The following NCOR2 variants were observed in gnomAD, a reference collection of about 807,000 sequenced individuals.
NCOR2 encodes CTG repeat protein 26.
In NCOR2, 81 loss-of-function variants were observed where a neutral mutation model predicts 262.9. That is an observed-to-expected ratio of 0.31 (90% CI 0.26 to 0.37). The LOEUF (loss-of-function observed/expected upper bound fraction) is 0.37, where lower values mean the gene tolerates loss of function less well. Among genes scored for constraint, NCOR2 ranks in the 10% least tolerant of loss-of-function variants. The pLI is 1.00. For missense variants in NCOR2, 3,385 were observed against 3,621.4 expected, an observed-to-expected ratio of 0.93 and a Z score of 1.68; for synonymous variants, 1,659 against 1,559.3, an observed-to-expected ratio of 1.06 and a Z score of -1.51.
At chr12:124,390,128 G>C (rs1241215337) in intron 16 of NCOR2, among the ~76,000 whole-genome samples, 1 of 152,198 alleles carries the variant, frequency 6.6e-6, no homozygotes, top group Non-Finnish European at 1.5e-5. Flanking sequence ...CAGGGATCTG[G>C]GCCTCTCCAC....
rs1162217093 is a variant in NCOR2, at chr12:124,517,135, G to C, written c.-118+18430C>G. ...CACTGTGCCCCATTTTACAGACGAG[G>C]AAACTGAGGTCTGCAAAGGGGAGGC... On this transcript the variant is annotated intron_variant, in intron 1 of 46. Transcript: ENST00000404621. The surrounding 1 kb of genome is among the most constrained non-coding windows in gnomAD (Gnocchi z 7.6). Among the ~76,000 whole-genome samples, 1 of 151,838 alleles carries C rather than the reference G, an allele frequency of 6.6e-6. No individual in the cohort carries two copies. Among genetic ancestry groups the C allele is most frequent in the Non-Finnish European group, 1.5e-5 (1 of 67,938 alleles).
rs58967881 is a variant in NCOR2 at position 124,325,377 on chromosome 12, G to GCCCCCCCCCCCCC, written c.*24_*25insGGGGGGGGGGGGG. On this transcript the variant is annotated 3_prime_UTR_variant, in exon 47 of 47. Coordinates refer to ENST00000405201, the Ensembl canonical transcript of NCOR2. Reference sequence around the variant, plus strand: ...CTGTGGCTCGCTGGGACCTGACACCGCCCCCCCCCCCGCCCTGTTCTGAGT... The same window carrying GCCCCCCCCCCCCC: ...CTGTGGCTCGCTGGGACCTGACACCGCCCCCCCCCCCCCCCCCCCCCCCCGCCCTGTTCTGAGT... The GCCCCCCCCCCCCC allele has an allele frequency of 2.9e-4, 74 of 251,088 alleles. 7 individuals carry two copies. Among genetic ancestry groups the GCCCCCCCCCCCCC allele is most frequent in the Middle Eastern group, 1.8e-3 (1 of 556 alleles). The allele number at this position is 251,088 out of a possible 1,614,324, so 15.6% of individuals were successfully genotyped here.
At chr12:124,547,424 A>G (rs1271201401) in intron 1 of NCOR2, among the ~76,000 whole-genome samples, 1 of 152,232 alleles carries the variant, frequency 6.6e-6, no homozygotes, top group Non-Finnish European at 1.5e-5. Context: ...CTGCAGCTTC[A>G]GGCATCCACT....
chr12:124,539,810 G>T (rs915183348), upstream of NCOR2: 1 of 152,466 alleles, frequency 6.6e-6, no homozygotes, highest in Non-Finnish European at 1.5e-5. This position sits in a 1 kb window ranked among gnomAD's most constrained non-coding sequence, Gnocchi z 5.1. Flanking sequence ...GCTGGAACCA[G>T]AACAAGCACC....
chr12:124,351,616 T>G (rs2037473290), intron 27 of NCOR2, among the ~76,000 whole-genome samples: 2 of 152,142 alleles, frequency 1.3e-5, no homozygotes, highest in Non-Finnish European at 2.9e-5. Flanking sequence ...TGGGGCAGCA[T>G]CCTGCCTTGG....
chr12:124,325,575 G>A, exon 47 of NCOR2: 1 of 1,290,224 alleles, frequency 7.8e-7, no homozygotes, highest in Non-Finnish European at 9.9e-7. Flanking sequence ...TAGGGGAATG[G>A]CGTGGAACCT....
At chr12:124,337,476 C>A (rs2035991457) in intron 37 of NCOR2, among the ~76,000 whole-genome samples, 1 of 152,208 alleles carries the variant, frequency 6.6e-6, no homozygotes, top group South Asian at 2.1e-4. Flanking sequence ...AAGCATCTTA[C>A]CATCTAATTC....
chr12:124,351,217 C>T (rs994646470), intron 27 of NCOR2, among the ~76,000 whole-genome samples: 1 of 152,152 alleles, frequency 6.6e-6, no homozygotes, highest in Non-Finnish European at 1.5e-5. Context: ...CTGGCGGGGA[C>T]GCTGGGGTTT....
chr12:124,456,258 C>T (rs778546311), intron 6 of NCOR2, among the ~76,000 whole-genome samples: 7 of 152,220 alleles, frequency 4.6e-5, no homozygotes, highest in African/African-American at 7.2e-5. Flanking sequence ...CTCCCTCATC[C>T]GGCACACATG....
intron 20 of NCOR2, among the ~76,000 whole-genome samples, chr12:124,365,297 C>T (rs11057598): frequency 0.022 from 3,351 of 152,296 alleles, 119 homozygotes; most frequent in African/African-American, 0.077. Flanking sequence ...ACAGTGACGA[C>T]GTCCTATGCA....
chr12:124,543,757 G>A (rs1218304764), intron 1 of NCOR2, among the ~76,000 whole-genome samples: 3 of 152,194 alleles, frequency 2.0e-5, no homozygotes, highest in Non-Finnish European at 4.4e-5. Context: ...CACGGGCCAC[G>A]ACAGGGCAGG....
At chr12:124,359,784 GGGGGCCCCGA>G (rs1382114374) in intron 22 of NCOR2, among the ~76,000 whole-genome samples, 1 of 152,248 alleles carries the variant, frequency 6.6e-6, no homozygotes, top group East Asian at 1.9e-4. Context: ...GTTGGGCCCA[GGGGGCCCCGA>G]GGGACCTGCT....
intron 5 of NCOR2, among the ~76,000 whole-genome samples, chr12:124,463,826 ACCAGCCC>A (rs2046299281): frequency 6.6e-6 from 1 of 151,880 alleles, no homozygotes; most frequent in Non-Finnish European, 1.5e-5. Context: ...GAGGATCCCC[ACCAGCCC>A]CCACGCCCCC....
At chr12:124,408,298 G>T (rs1205868033) in intron 13 of NCOR2, among the ~76,000 whole-genome samples, 2 of 151,964 alleles carry the variant, frequency 1.3e-5, no homozygotes, top group Non-Finnish European at 2.9e-5. Context: ...AGCTTGCAGT[G>T]AGCCAAGATC....
chr12:124,381,367 G>T (rs1024449889), intron 17 of NCOR2, among the ~76,000 whole-genome samples: 2 of 152,118 alleles, frequency 1.3e-5, no homozygotes, highest in Non-Finnish European at 2.9e-5. Context: ...TCCATCATTA[G>T]CTCATCCCTC....
rs763564680 is a variant in NCOR2, at chr12:124,327,394, G to A, written c.7183+15C>T. 1.3e-6 allele frequency: 2 copies of A among 1,593,998 alleles called. No homozygotes were observed. Among genetic ancestry groups the A allele is most frequent in the South Asian group, 1.1e-5 (1 of 89,674 alleles). The stretch of plus-strand genomic sequence containing the variant: ...GTGGGGACAGACGGGGGCGGGGCGG[G>A]GGTGGCCTGCAGACCTGGCGAGGTG... On this transcript the variant is annotated intron_variant, in intron 45 of 46. Coordinates refer to ENST00000405201, the Ensembl canonical transcript of NCOR2.
intron 6 of NCOR2, among the ~76,000 whole-genome samples, chr12:124,450,433 G>A (rs907224976): frequency 6.6e-5 from 10 of 152,276 alleles, no homozygotes; most frequent in Non-Finnish European, 1.2e-4. Flanking sequence ...AACGAACACC[G>A]ACGCCCCCGC....
upstream of NCOR2, among the ~76,000 whole-genome samples, chr12:124,499,572 G>C (rs190549543): frequency 3.6e-3 from 545 of 152,370 alleles, 4 homozygotes; most frequent in South Asian, 7.7e-3. Flanking sequence ...CAGCTGGTGG[G>C]GGGTGAGCGC....
exon 17 of NCOR2, chr12:124,385,781 G>T (rs1243319812): frequency 6.2e-7 from 1 of 1,613,926 alleles, no homozygotes; most frequent in East Asian, 2.2e-5. Context: ...TCTCATCGAG[G>T]TTCTGCCTCT....
Sources: allele counts gnomAD v4.1 joint callset (sites outside exome capture counted in the v4.1 genomes callset), GRCh38; gene constraint gnomAD v4.1.1; non-coding constraint Gnocchi (gnomAD v3.1); transcripts MANE v1.5; gene names NCBI Gene and HGNC (gene_info 2026-07-23, HGNC 2026-07-21).